MDN1: variants seen among roughly 807,000 people sequenced by gnomAD.
MDN1 encodes midasin AAA ATPase 1.
Under a neutral mutation model 669.2 loss-of-function variants are expected in MDN1, and 266 were observed. That is an observed-to-expected ratio of 0.40 (90% CI 0.36 to 0.44). MDN1 has a LOEUF of 0.44. MDN1 is among the 20% of genes least tolerant of loss of function. The pLI is 1.00. For missense variants in MDN1, 5,940 were observed against 6,754.0 expected, an observed-to-expected ratio of 0.88 and a Z score of 4.22; for synonymous variants, 2,385 against 2,457.1, an observed-to-expected ratio of 0.97 and a Z score of 0.87.
intron 27 of MDN1, among the ~76,000 whole-genome samples, chr6:89,746,611 A>AAAAAAAAG (rs1554191094): frequency 4.2e-4 from 17 of 40,510 alleles, no homozygotes; most frequent in East Asian, 9.4e-4. Flanking sequence ...AAAAAAAAAA[A>AAAAAAAAG]AAAGAAAGAA....
intron 30 of MDN1, 140 bp from the exon 31 acceptor site, chr6:89,743,420 A>T: frequency 1.5e-6 from 2 of 1,360,320 alleles, no homozygotes; most frequent in Non-Finnish European, 2.0e-6. Flanking sequence ...GAACTTGCAC[A>T]CCAGAATGCT....
At chr6:89,753,155 AC>A (rs992557117) in intron 22 of MDN1, among the ~76,000 whole-genome samples, 4 of 152,226 alleles carry the variant, frequency 2.6e-5, no homozygotes, top group Admixed American at 6.5e-5. Context: ...AAACAAAAAA[AC>A]AATATTCTTA....
chr6:89,774,772 TG>T, intron 12 of MDN1, 39 bp from the exon 13 acceptor site: 1 of 1,421,348 alleles, frequency 7.0e-7, no homozygotes, highest in South Asian at 1.2e-5. Flanking sequence ...AAAATCCACA[TG>T]CTTTTGGAAT....
At chr6:89,767,025 T>C (rs1449532633) in intron 15 of MDN1, among the ~76,000 whole-genome samples, 3 of 152,214 alleles carry the variant, frequency 2.0e-5, no homozygotes, top group Non-Finnish European at 2.9e-5. Flanking sequence ...CCATTCCCTA[T>C]AGTAAGTGCT....
intron 15 of MDN1, 126 bp downstream of exon 15, chr6:89,771,435 T>C: frequency 1.3e-6 from 1 of 794,796 alleles, no homozygotes; most frequent in Non-Finnish European, 2.0e-6. Flanking sequence ...AAGCCTTATC[T>C]GAGAAAACTC....
At chr6:89,796,259 G>A (rs985099844) in intron 2 of MDN1, among the ~76,000 whole-genome samples, 1 of 130,366 alleles carries the variant, frequency 7.7e-6, no homozygotes, top group African/African-American at 3.0e-5. Context: ...GAGACACGGA[G>A]GTTATAGTGA....
At chr6:89,682,394 G>A (rs1051666811) in intron 73 of MDN1, among the ~76,000 whole-genome samples, 13 of 152,140 alleles carry the variant, frequency 8.5e-5, no homozygotes, top group Non-Finnish European at 1.3e-4. Context: ...TTGGGAGGCC[G>A]AGGCAGGGAG....
rs759221472 is a variant in MDN1 at position 89,668,059 on chromosome 6, G to C, written c.14049C>G (p.Gly4683=). 2 of 1,613,912 alleles carry C rather than the reference G, an allele frequency of 1.2e-6. No homozygotes were observed. Among genetic ancestry groups the C allele is most frequent in the Non-Finnish European group, 1.7e-6 (2 of 1,179,966 alleles). The stretch of plus-strand genomic sequence containing the variant: ...GGTCACTCACATCCTTCATGCCCTC[G>C]CCTTCTCCAATTCCACCTCCCTCAT... ...HDYEGGGIGE[G]EGMKDVSDQI... Residue 4683 remains glycine (G), a synonymous_variant, in exon 84 of 102, where the codon GGC becomes GGG. Coordinates refer to ENST00000369393, the MANE Select transcript of MDN1 (RefSeq NM_014611.3).
chr6:89,706,240 T>G (rs1472450830), intron 52 of MDN1, 48 bp from the exon 53 acceptor site: 1 of 1,565,348 alleles, frequency 6.4e-7, no homozygotes, highest in East Asian at 2.3e-5. Flanking sequence ...AGATTTAAAA[T>G]AATCTCTGGA....
At chr6:89,730,643 C>T (rs1310474037) in intron 35 of MDN1, 83 bp downstream of exon 35, 8 of 1,036,612 alleles carry the variant, frequency 7.7e-6, no homozygotes, top group African/African-American at 4.8e-5. Context: ...ATGAGTATTA[C>T]ACATTAAAAC....
chr6:89,798,966 A>G (rs12201002), intron 2 of MDN1, among the ~76,000 whole-genome samples: 17,063 of 152,226 alleles, frequency 0.11, 1,277 homozygotes, highest in Middle Eastern at 0.21. Flanking sequence ...TAGGTATTAT[A>G]CTATTAGGAC....
chr6:89,817,602 C>T (rs1418108616), intron 1 of MDN1, among the ~76,000 whole-genome samples: 2 of 152,132 alleles, frequency 1.3e-5, no homozygotes, highest in Non-Finnish European at 2.9e-5. Context: ...ATGTAGCCTT[C>T]TAAGGAAAGG....
At chr6:89,693,946 A>G in intron 62 of MDN1, 128 bp downstream of exon 62, 1 of 741,080 alleles carries the variant, frequency 1.3e-6, no homozygotes, top group Non-Finnish European at 2.3e-6. Context: ...ACTATAAACA[A>G]TGCTTTGGCA....
At chr6:89,732,882 T>G (rs1035246760) in intron 33 of MDN1, 107 bp from the exon 34 acceptor site, 6 of 878,838 alleles carry the variant, frequency 6.8e-6, no homozygotes, top group Non-Finnish European at 1.0e-5. Context: ...CTGCTCCTTC[T>G]AAGCAAAGTT....
intron 40 of MDN1, among the ~76,000 whole-genome samples, chr6:89,721,041 G>C (rs180838084): frequency 3.7e-4 from 56 of 152,330 alleles, no homozygotes; most frequent in African/African-American, 1.3e-3. Context: ...AGTGGGCTGG[G>C]GTGGGAAGAT....
rs111901665 is a variant in MDN1 at position 89,795,977 on chromosome 6, G to T, written c.330-1176C>A. On this transcript the variant is annotated intron_variant, in intron 2 of 101. Coordinates refer to ENST00000369393, the MANE Select transcript of MDN1 (RefSeq NM_014611.3). ...CTCAAAACAAACAAACAATAAAGGT[G>T]GGGGGGACATCATATTATATAACCA... 8.0e-3 allele frequency among the ~76,000 whole-genome samples: 1,213 copies of T among 151,510 alleles called. 19 individuals carry two copies. The highest frequency in any genetic ancestry group is 0.028 in the African/African-American group (1,157 of 41,332).
chr6:89,782,094 T>C (rs1818703043), intron 9 of MDN1, among the ~76,000 whole-genome samples: 2 of 152,212 alleles, frequency 1.3e-5, no homozygotes, highest in South Asian at 4.1e-4. Context: ...TCAATCATGA[T>C]GATTTTCTTC....
chr6:89,796,911 A>C (rs1292764155), intron 2 of MDN1, among the ~76,000 whole-genome samples: 1 of 152,018 alleles, frequency 6.6e-6, no homozygotes, highest in Non-Finnish European at 1.5e-5. Context: ...TCTACTAAAA[A>C]TACAAAATTA....
intron 94 of MDN1, 22 bp from the exon 95 acceptor site, chr6:89,652,303 T>A (rs745466323): frequency 1.2e-6 from 2 of 1,605,478 alleles, no homozygotes; most frequent in African/African-American, 2.7e-5. Flanking sequence ...AAGCCATAGA[T>A]AAGAGGTGGC....
Sources: gnomAD v4.1 joint callset for allele counts (sites outside exome capture counted in the v4.1 genomes callset) on GRCh38, gnomAD v4.1.1 for gene constraint, MANE v1.5 for transcripts, NCBI Gene and HGNC (gene_info 2026-07-23, HGNC 2026-07-21) for gene names.